HS6ST3: variants seen among roughly 807,000 people sequenced by gnomAD.
HS6ST3 encodes the protein heparan sulfate 6-O-sulfotransferase 3.
HS6ST3 carries 12 observed loss-of-function variants against 36.7 expected under a neutral mutation model. The ratio of observed to expected loss-of-function variants is 0.33; its 90% confidence interval spans 0.21 to 0.53. The LOEUF is 0.53. Ranked by LOEUF, HS6ST3 falls within the 20% of genes least tolerant of loss-of-function variation. The pLI is 0.95. For missense variants in HS6ST3, 584 were observed against 640.9 expected (o/e 0.91, Z 0.96); for synonymous variants, 240 against 257.5 (o/e 0.93, Z 0.65).
At chr13:96,238,710 A>T (rs1056887047) in intron 1 of HS6ST3, among the ~76,000 whole-genome samples, 19 of 152,258 alleles carry the variant, frequency 1.2e-4, no homozygotes, top group African/African-American at 4.6e-4. Flanking sequence ...AGCCCCAAGA[A>T]GTCAGGTTGT....
At chr13:96,580,573 C>T (rs2056338402) in intron 1 of HS6ST3, among the ~76,000 whole-genome samples, 1 of 151,880 alleles carries the variant, frequency 6.6e-6, no homozygotes, top group East Asian at 1.9e-4. Context: ...TGACTTTGAA[C>T]CTTTTAAAAA....
At chr13:96,218,566 AGAAGACAAACATTAGGGC>A (rs1319098143) in intron 1 of HS6ST3, among the ~76,000 whole-genome samples, 18 of 152,288 alleles carry the variant, frequency 1.2e-4, no homozygotes, top group African/African-American at 4.1e-4. Context: ...CCACGTGGGG[AGAAGACAAACATTAGGGC>A]CATATTTAAA....
At chr13:96,637,352 C>T (rs2056553541) in intron 1 of HS6ST3, among the ~76,000 whole-genome samples, 1 of 152,096 alleles carries the variant, frequency 6.6e-6, no homozygotes, top group Admixed American at 6.6e-5. Flanking sequence ...AGAAAGATTT[C>T]ATGCTATCAG....
chr13:96,195,153 T>C (rs2054306117), intron 1 of HS6ST3, among the ~76,000 whole-genome samples: 1 of 152,220 alleles, frequency 6.6e-6, no homozygotes, highest in African/African-American at 2.4e-5. Context: ...GGATTTTCTT[T>C]TTTAAAATGT....
At chr13:96,583,146 C>T (rs1355906207) in intron 1 of HS6ST3, among the ~76,000 whole-genome samples, 1 of 136,466 alleles carries the variant, frequency 7.3e-6, no homozygotes, top group Non-Finnish European at 1.6e-5. Context: ...TTTTAAAACT[C>T]TATTTATGTC....
intron 1 of HS6ST3, among the ~76,000 whole-genome samples, chr13:96,675,208 A>C (rs1028061640): frequency 6.6e-6 from 1 of 152,106 alleles, no homozygotes; most frequent in Admixed American, 6.6e-5. Context: ...TTTAAGTATA[A>C]ATTTAATTTT....
chr13:96,519,275 C>T (rs2056084318), intron 1 of HS6ST3, among the ~76,000 whole-genome samples: 1 of 152,188 alleles, frequency 6.6e-6, no homozygotes, highest in African/African-American at 2.4e-5. Flanking sequence ...TCCTAATTGC[C>T]TACCAGGATT....
In HS6ST3 at chr13:96,100,915, C is replaced by T. The variant is rs572308580; in HGVS notation, c.707+9346C>T. The stretch of plus-strand genomic sequence containing the variant: ...TGTGTTCTACAAATGAGACCAAGAT[C>T]GGATACCCCATATTTTAGTACCTGT... On this transcript the variant is annotated intron_variant, in intron 1 of 1. Coordinates refer to ENST00000376705, the MANE Select transcript of HS6ST3 (RefSeq NM_153456.4). Among the ~76,000 whole-genome samples the T allele has an allele frequency of 9.2e-5, 14 of 152,250 alleles. 1 individual carries two copies. In the South Asian group the frequency reaches 1.0e-3, roughly 11 times the overall value.
intron 1 of HS6ST3, among the ~76,000 whole-genome samples, chr13:96,525,284 G>C (rs2056109301): frequency 6.6e-6 from 1 of 152,110 alleles, no homozygotes; most frequent in East Asian, 1.9e-4. Flanking sequence ...ATTTTGCCTA[G>C]AGGTGAATTC....
chr13:96,744,011 G>A (rs1375169490), intron 1 of HS6ST3, among the ~76,000 whole-genome samples: 1 of 151,472 alleles, frequency 6.6e-6, no homozygotes. Flanking sequence ...CCAAACCTAT[G>A]CATGTGATTT....
intron 1 of HS6ST3, among the ~76,000 whole-genome samples, chr13:96,190,698 C>T (rs1349611222): frequency 1.3e-5 from 2 of 152,096 alleles, no homozygotes; most frequent in Non-Finnish European, 2.9e-5. Context: ...GAACTAAATA[C>T]AGATAGTGAG....
chr13:96,092,954 A>G (rs781059309), intron 1 of HS6ST3, among the ~76,000 whole-genome samples: 2 of 152,150 alleles, frequency 1.3e-5, no homozygotes, highest in Non-Finnish European at 2.9e-5. Flanking sequence ...AATATTTTTA[A>G]TAGTGTATTA....
At chr13:96,773,700 C>T (rs1016704642) in intron 1 of HS6ST3, among the ~76,000 whole-genome samples, 115 of 152,292 alleles carry the variant, frequency 7.6e-4, no homozygotes, top group Non-Finnish European at 1.3e-3. Flanking sequence ...GATAAAACTC[C>T]CACCTCCCTG....
At chr13:96,671,044 T>C (rs1439825398) in intron 1 of HS6ST3, among the ~76,000 whole-genome samples, 9 of 152,086 alleles carry the variant, frequency 5.9e-5, no homozygotes, top group Non-Finnish European at 1.3e-4. Flanking sequence ...CACTTAGGGG[T>C]AATGAAAGTA....
At chr13:96,140,144 T>A (rs1023791975) in intron 1 of HS6ST3, among the ~76,000 whole-genome samples, 8 of 152,174 alleles carry the variant, frequency 5.3e-5, no homozygotes, top group African/African-American at 1.7e-4. Context: ...ACAGATCTAT[T>A]ATAAAAAGTT....
chr13:96,224,916 ATGTT>A (rs2054473042), intron 1 of HS6ST3, among the ~76,000 whole-genome samples: 1 of 152,164 alleles, frequency 6.6e-6, no homozygotes, highest in African/African-American at 2.4e-5. Flanking sequence ...GCAGACTTTT[ATGTT>A]TGTTTAAGTG....
At chr13:96,162,909 T>C (rs1594699926) in intron 1 of HS6ST3, among the ~76,000 whole-genome samples, 1 of 152,286 alleles carries the variant, frequency 6.6e-6, no homozygotes, top group East Asian at 1.9e-4. Context: ...AGTTTTTTTT[T>C]GTTGTTGTTC....
At chr13:96,097,698 T>C (rs1162968407) in intron 1 of HS6ST3, among the ~76,000 whole-genome samples, 1 of 152,224 alleles carries the variant, frequency 6.6e-6, no homozygotes, top group Admixed American at 6.5e-5. Context: ...TTGTTTAAAT[T>C]ATAGCTGAGC....
chr13:96,530,995 A>G (rs1004965359), intron 1 of HS6ST3, among the ~76,000 whole-genome samples: 2 of 152,216 alleles, frequency 1.3e-5, no homozygotes, highest in Non-Finnish European at 2.9e-5. Flanking sequence ...CTGAGTAGCA[A>G]TGATTTAGAT....
Sources: gnomAD v4.1 joint callset for allele counts (sites outside exome capture counted in the v4.1 genomes callset) on GRCh38, gnomAD v4.1.1 for gene constraint, MANE v1.5 for transcripts, NCBI Gene and HGNC (gene_info 2026-07-23, HGNC 2026-07-21) for gene names.